The following GAS2 variants were observed in gnomAD, a reference collection of about 807,000 sequenced individuals.
GAS2 encodes growth arrest specific 2, also known as growth arrest-specific protein 2.
Under a neutral mutation model 37.5 loss-of-function variants are expected in GAS2, and 20 were observed. That is an observed-to-expected ratio of 0.53 (90% CI 0.37 to 0.77). The LOEUF (loss-of-function observed/expected upper bound fraction) is 0.77, where lower values mean the gene tolerates loss of function less well. Among genes scored for constraint, GAS2 ranks in the 30% least tolerant of loss-of-function variants. GAS2 has a pLI of 0.00. For synonymous variants in GAS2, 144 were observed against 132.2 expected (o/e 1.09, Z -0.61); for missense variants, 336 against 373.4 (o/e 0.90, Z 0.82).
chr11:22,752,327 T>C (rs2134309076), intron 6 of GAS2, among the ~76,000 whole-genome samples: 1 of 152,132 alleles, frequency 6.6e-6, no homozygotes, highest in East Asian at 1.9e-4. Context: ...CATTGAACTA[T>C]TTGCATTCTG....
chr11:22,747,247 G>A (rs1025069536), intron 5 of GAS2, among the ~76,000 whole-genome samples: 11 of 152,210 alleles, frequency 7.2e-5, no homozygotes, highest in Middle Eastern at 3.4e-3. Flanking sequence ...ATTGCCCTGT[G>A]CCAAGATCTT....
At chr11:22,752,237 A>G (rs79131757) in intron 6 of GAS2, among the ~76,000 whole-genome samples, 1,619 of 152,080 alleles carry the variant, frequency 0.011, 23 homozygotes, top group African/African-American at 0.037. Context: ...CCATAATAAG[A>G]TCTTGTTTAA....
At chr11:22,692,640 A>T (rs1000370656) in intron 3 of GAS2, among the ~76,000 whole-genome samples, 1 of 152,182 alleles carries the variant, frequency 6.6e-6, no homozygotes, top group African/African-American at 2.4e-5. Context: ...TATCTCAGCC[A>T]TCAGAGGTAT....
chr11:22,745,763 A>T (rs1035270184), intron 5 of GAS2, among the ~76,000 whole-genome samples: 2 of 152,142 alleles, frequency 1.3e-5, no homozygotes, highest in Non-Finnish European at 2.9e-5. Context: ...GCCAAATAAC[A>T]TCATTAAAAT....
At chr11:22,698,526 A>T (rs939771881) in intron 3 of GAS2, among the ~76,000 whole-genome samples, 2 of 151,842 alleles carry the variant, frequency 1.3e-5, no homozygotes, top group African/African-American at 4.8e-5. Context: ...TTATGAGGCC[A>T]GCATCATCCT....
intron 7 of GAS2, among the ~76,000 whole-genome samples, chr11:22,789,449 TA>T (rs1856019194): frequency 4.0e-5 from 3 of 75,232 alleles, no homozygotes; most frequent in African/African-American, 1.1e-4. Context: ...TATATATATA[TA>T]TATATTCTTT....
intron 5 of GAS2, among the ~76,000 whole-genome samples, chr11:22,740,674 G>A (rs1463337225): frequency 6.6e-6 from 1 of 152,072 alleles, no homozygotes; most frequent in African/African-American, 2.4e-5. Flanking sequence ...AGATCTTACT[G>A]TTTTACCCCT....
chr11:22,779,450 C>A (rs1233193308), intron 7 of GAS2, among the ~76,000 whole-genome samples: 1 of 152,204 alleles, frequency 6.6e-6, no homozygotes, highest in African/African-American at 2.4e-5. Context: ...GTAATCCCAG[C>A]ACTTTGGGAG....
intron 7 of GAS2, among the ~76,000 whole-genome samples, chr11:22,788,476 G>A (rs1219643480): frequency 6.6e-6 from 1 of 152,176 alleles, no homozygotes; most frequent in Non-Finnish European, 1.5e-5. Context: ...GCCAGTGTAA[G>A]CACTTGTATC....
intron 2 of GAS2, 129 bp downstream of exon 2, chr11:22,675,143 C>A: frequency 1.1e-6 from 1 of 945,518 alleles, no homozygotes; most frequent in Non-Finnish European, 1.5e-6. Context: ...TTGACATTTG[C>A]ATCTGGGAAA....
intron 3 of GAS2, among the ~76,000 whole-genome samples, chr11:22,688,711 A>G (rs1383678801): frequency 1.3e-5 from 2 of 152,180 alleles, no homozygotes; most frequent in Non-Finnish European, 2.9e-5. Flanking sequence ...CAAATTTTTA[A>G]CTGAATATAA....
intron 1 of GAS2, among the ~76,000 whole-genome samples, chr11:22,628,098 T>C (rs1376936247): frequency 6.6e-6 from 1 of 152,232 alleles, no homozygotes; most frequent in Non-Finnish European, 1.5e-5. Flanking sequence ...ATATTTCAGA[T>C]TAGTCTATTT....
intron 7 of GAS2, among the ~76,000 whole-genome samples, chr11:22,770,358 T>C (rs1854914855): frequency 6.6e-6 from 1 of 152,188 alleles, no homozygotes; most frequent in South Asian, 2.1e-4. Context: ...GCCATTACTT[T>C]CATAATACAG....
At chr11:22,793,847 CAA>C (rs2134593938) in intron 7 of GAS2, among the ~76,000 whole-genome samples, 1 of 151,902 alleles carries the variant, frequency 6.6e-6, no homozygotes, top group African/African-American at 2.4e-5. Context: ...TGAAATGGTA[CAA>C]GAGAGGATTT....
At chr11:22,697,475 G>A (rs1175513431) in intron 3 of GAS2, among the ~76,000 whole-genome samples, 1 of 152,110 alleles carries the variant, frequency 6.6e-6, no homozygotes, top group East Asian at 1.9e-4. Context: ...TTCCAATTCT[G>A]TGAAGAAAGT....
intron 7 of GAS2, among the ~76,000 whole-genome samples, chr11:22,780,206 A>G (rs889895846): frequency 6.6e-6 from 1 of 152,200 alleles, no homozygotes; most frequent in South Asian, 2.1e-4. Flanking sequence ...TAGGGTTGAG[A>G]TTAGCTATGA....
At chr11:22,749,313 CA>C in intron 6 of GAS2, 52 bp downstream of exon 6, 2 of 1,508,446 alleles carry the variant, frequency 1.3e-6, no homozygotes, top group Admixed American at 3.6e-5. Context: ...TCTTGCACTA[CA>C]AAACATATTC....
chr11:22,736,461 A>G (rs950972759), intron 4 of GAS2, among the ~76,000 whole-genome samples: 81 of 152,188 alleles, frequency 5.3e-4, no homozygotes, highest in African/African-American at 1.7e-3. Flanking sequence ...TAAAAGCTTT[A>G]AAATGCCACT....
intron 3 of GAS2, among the ~76,000 whole-genome samples, chr11:22,706,972 T>C (rs1165031616): frequency 6.6e-6 from 1 of 152,126 alleles, no homozygotes; most frequent in Non-Finnish European, 1.5e-5. Flanking sequence ...GTGTTCCTAT[T>C]TCTCCACATT....
Sources: allele counts gnomAD v4.1 joint callset (sites outside exome capture counted in the v4.1 genomes callset), GRCh38; gene constraint gnomAD v4.1.1; transcripts MANE v1.5; gene names NCBI Gene and HGNC (gene_info 2026-07-23, HGNC 2026-07-21).